The following OLFML2B variants were observed in gnomAD, a reference collection of about 807,000 sequenced individuals.
OLFML2B encodes olfactomedin like 2B.
A neutral mutation model predicts 74.9 loss-of-function variants in OLFML2B; 57 were observed. The observed-to-expected ratio is 0.76, with a 90% CI of 0.61 to 0.95. OLFML2B has a LOEUF of 0.95. Ranked by LOEUF, OLFML2B falls within the 40% of genes least tolerant of loss-of-function variation. The pLI is 0.00. For missense variants in OLFML2B, 986 were observed against 970.6 expected (o/e 1.02, Z -0.21); for synonymous variants, 388 against 405.8 (o/e 0.96, Z 0.53).
At chr1:161,985,941 TGAA>T (rs1330047677) in intron 6 of OLFML2B, among the ~76,000 whole-genome samples, 3 of 152,198 alleles carry the variant, frequency 2.0e-5, no homozygotes, top group African/African-American at 7.2e-5. Flanking sequence ...GGGTTCTAGA[TGAA>T]GTTGAGAGCC....
chr1:162,002,294 C>T (rs1690102754), intron 4 of OLFML2B, among the ~76,000 whole-genome samples: 2 of 152,176 alleles, frequency 1.3e-5, no homozygotes, highest in Non-Finnish European at 2.9e-5. Flanking sequence ...TTCCTGCAGC[C>T]CCCTGAACCA....
intron 6 of OLFML2B, among the ~76,000 whole-genome samples, chr1:161,985,917 A>G (rs1689581733): frequency 6.6e-6 from 1 of 152,226 alleles, no homozygotes; most frequent in East Asian, 1.9e-4. Context: ...CTAAAAAGCC[A>G]CTGGAACTAT....
In OLFML2B at chr1:161,983,891, G is replaced by A. The variant is rs146890055; in HGVS notation, c.2037C>T (p.Ile679=). The A allele has an allele frequency of 2.5e-6, 4 of 1,614,216 alleles. No homozygotes were observed. The highest frequency in any genetic ancestry group is 3.4e-6 in the Non-Finnish European group (4 of 1,180,042). ...RRNFYGNCFV[I]CGVLYAVDSY... The stretch of plus-strand genomic sequence containing the variant: ...TATCCACGGCATACAGCACCCCACA[G>A]ATGACGAAGCAGTTGCCGTAGAAAT... The change falls in exon 8 of 8, where the codon ATC becomes ATT. Residue 679 remains isoleucine, a synonymous_variant. Coordinates refer to ENST00000294794, the MANE Select transcript of OLFML2B (RefSeq NM_015441.3).
In OLFML2B at chr1:162,006,291, C is replaced by T. The variant is rs373643898; in HGVS notation, c.723+6G>A. The T allele has an allele frequency of 1.3e-6, 2 of 1,569,052 alleles. No individual in the cohort carries two copies. Among genetic ancestry groups the T allele is most frequent in the African/African-American group, 2.8e-5 (2 of 72,474 alleles). On this transcript the variant is annotated splice_donor_region_variant and intron_variant, in intron 4 of 7. Coordinates refer to ENST00000294794, the MANE Select transcript of OLFML2B (RefSeq NM_015441.3). Reference sequence around the variant, plus strand: ...GATCAGAGGCCCTTGGAGGCTGGGGCTATACCTCTGGGTGGGCGTAGGCTG... The same window carrying T: ...GATCAGAGGCCCTTGGAGGCTGGGGTTATACCTCTGGGTGGGCGTAGGCTG...
chr1:162,004,061 T>A (rs1164860881), intron 4 of OLFML2B, among the ~76,000 whole-genome samples: 1 of 152,198 alleles, frequency 6.6e-6, no homozygotes, highest in East Asian at 1.9e-4. Flanking sequence ...CTGAGCTGGG[T>A]TCCCGAACAT....
intron 4 of OLFML2B, among the ~76,000 whole-genome samples, chr1:162,001,552 C>G (rs1240127473): frequency 6.6e-6 from 1 of 152,200 alleles, no homozygotes; most frequent in Non-Finnish European, 1.5e-5. Context: ...CCCTGGACTG[C>G]CTGCCTCCAG....
At chr1:162,023,117 C>T (rs1228302438) in intron 1 of OLFML2B, 140 bp downstream of exon 1, 18 of 764,186 alleles carry the variant, frequency 2.4e-5, no homozygotes, top group Non-Finnish European at 2.9e-5. Context: ...GAAAATATTC[C>T]GATACATGAA....
At chr1:162,008,158 C>A (rs1434945621) in intron 3 of OLFML2B, among the ~76,000 whole-genome samples, 1 of 152,160 alleles carries the variant, frequency 6.6e-6, no homozygotes, top group Non-Finnish European at 1.5e-5. Flanking sequence ...AACACCTCTG[C>A]TTCAGGTTCC....
In OLFML2B at chr1:162,000,358, CAAGGG is replaced by C; in HGVS notation, c.724-25_724-21del. The C allele has an allele frequency of 1.2e-6, 2 of 1,604,854 alleles. No individual in the cohort carries two copies. The highest frequency in any genetic ancestry group is 1.7e-6 in the Non-Finnish European group (2 of 1,175,966). On this transcript the variant is annotated intron_variant, in intron 4 of 7. Transcript: ENST00000294794. ...TTCATACTGCTCCTCAGAGGGGACA[CAAGGG>C]AAGGTCAGGTCACTGGTCAGAGAGG...
chr1:162,011,748 T>A (rs1690394242), intron 3 of OLFML2B, among the ~76,000 whole-genome samples: 1 of 152,092 alleles, frequency 6.6e-6, no homozygotes, highest in African/African-American at 2.4e-5. Flanking sequence ...GGCAGGAAAG[T>A]CAAACAAGGC....
chr1:161,983,557 A>T lies in OLFML2B; in HGVS notation c.*118T>A. ...ATTGTCATTTTACATTTGCAATATT[A>T]TACAAAATAATATATATTTTTAAAC... On this transcript the variant is annotated 3_prime_UTR_variant, in exon 8 of 8. Coordinates refer to ENST00000294794, the MANE Select transcript of OLFML2B (RefSeq NM_015441.3). The T allele has an allele frequency of 8.8e-7, 1 of 1,132,122 alleles. No individual in the cohort carries two copies. Among genetic ancestry groups the T allele is most frequent in the Admixed American group, 2.8e-5 (1 of 35,750 alleles). 70.1% of individuals were successfully genotyped at this position (1,132,122 alleles called of 1,614,324 possible). A position where few individuals can be genotyped will look rare whatever the true frequency, so the allele number is the denominator to read the frequency against.
At position 161,983,866 on chromosome 1, in the gene OLFML2B, T is replaced by A. The variant is rs1689499514; in HGVS notation, c.2062A>T (p.Ser688Cys). Residue 688 changes from serine to cysteine, a missense_variant, in exon 8 of 8, where the codon AGC (serine) becomes TGC (cysteine). Ser to Cys is a moderately radical substitution (Grantham distance 112). Coordinates refer to ENST00000294794, the MANE Select transcript of OLFML2B (RefSeq NM_015441.3). Reference protein sequence around the residue: ...VICGVLYAVDSYNQRNANISY... With the variant: ...VICGVLYAVDCYNQRNANISY... ...ATGTTGGCATTCCGCTGGTTGTAGC[T>A]ATCCACGGCATACAGCACCCCACAG... The A allele has an allele frequency of 6.2e-7, 1 of 1,614,172 alleles. No individual in the cohort carries two copies. Among genetic ancestry groups the A allele is most frequent in the Non-Finnish European group, 8.5e-7 (1 of 1,180,030 alleles).
Position 162,023,596 on chromosome 1 carries a change from G to C in OLFML2B, c.-166C>G. On this transcript the variant is annotated 5_prime_UTR_variant, in exon 1 of 8. Transcript: ENST00000294794. ...GAGCGGGACGGGAGGGTGCGCCCCA[G>C]AGACTCTGGGCATCTCCTTCCCGAC... 3.6e-6 allele frequency: 2 copies of C among 555,078 alleles called. No homozygotes were observed. The highest frequency in any genetic ancestry group is 5.8e-6 in the Non-Finnish European group (2 of 346,154). The allele number at this position is 555,078 out of a possible 1,614,324, so 34.4% of individuals were successfully genotyped here.
chr1:161,994,254 G>A (rs527957162), intron 6 of OLFML2B, among the ~76,000 whole-genome samples: 4 of 152,340 alleles, frequency 2.6e-5, no homozygotes, highest in East Asian at 1.9e-4. Context: ...CCCAGCCCAC[G>A]TCAGCATCGC....
At chr1:161,993,326 C>T (rs1044036273) in intron 6 of OLFML2B, among the ~76,000 whole-genome samples, 2 of 152,186 alleles carry the variant, frequency 1.3e-5, no homozygotes, top group Admixed American at 6.5e-5. Flanking sequence ...GGAAGAGGGT[C>T]CTGGGCTGCC....
intron 6 of OLFML2B, among the ~76,000 whole-genome samples, chr1:161,991,258 C>A (rs1689733669): frequency 6.6e-6 from 1 of 152,212 alleles, no homozygotes; most frequent in South Asian, 2.1e-4. Context: ...TTATCTATGG[C>A]AGCTATAGCC....
At chr1:162,007,236 T>G (rs916126434) in intron 3 of OLFML2B, among the ~76,000 whole-genome samples, 1 of 152,154 alleles carries the variant, frequency 6.6e-6, no homozygotes, top group Non-Finnish European at 1.5e-5. Flanking sequence ...GTTCTGGATC[T>G]GGGTGGGGTG....
intron 4 of OLFML2B, 150 bp downstream of exon 4, chr1:162,006,147 A>T: frequency 1.5e-6 from 1 of 647,804 alleles, no homozygotes; most frequent in Non-Finnish European, 2.4e-6. Context: ...CTGCTCATCA[A>T]ATCTACAGAA....
At chr1:161,993,794 C>G (rs1295392241) in intron 6 of OLFML2B, among the ~76,000 whole-genome samples, 1 of 152,150 alleles carries the variant, frequency 6.6e-6, no homozygotes, top group Non-Finnish European at 1.5e-5. Flanking sequence ...CAGAGAGGAG[C>G]CCCATGGCAG....
Sources: gnomAD v4.1 joint callset for allele counts (sites outside exome capture counted in the v4.1 genomes callset) on GRCh38, gnomAD v4.1.1 for gene constraint, MANE v1.5 for transcripts, NCBI Gene and HGNC (gene_info 2026-07-23, HGNC 2026-07-21) for gene names.